DAB1: variants seen among roughly 807,000 people sequenced by gnomAD.
DAB1 encodes the protein DAB adaptor protein 1.
In DAB1, 15 loss-of-function variants were observed where a neutral mutation model predicts 64.6. The ratio of observed to expected loss-of-function variants is 0.23; its 90% CI spans 0.16 to 0.36. DAB1 has a LOEUF of 0.36. Ranked by LOEUF, DAB1 falls within the 10% of genes least tolerant of loss-of-function variation. The probability of loss-of-function intolerance (pLI) is 1.00; values close to 1 mark genes in which losing one functional copy is unlikely to be tolerated. For missense variants in DAB1, 596 were observed against 706.7 expected (o/e 0.84, Z 1.78); for synonymous variants, 235 against 251.9 (o/e 0.93, Z 0.64).
chr1:57,349,923 G>C (rs559410763), intron 1 of DAB1, among the ~76,000 whole-genome samples: 1 of 152,152 alleles, frequency 6.6e-6, no homozygotes. Flanking sequence ...TGGCCATCCT[G>C]ACATAGACAC....
chr1:57,253,383 ATC>A (rs1030186693), intron 2 of DAB1, among the ~76,000 whole-genome samples: 1 of 152,154 alleles, frequency 6.6e-6, no homozygotes, highest in Admixed American at 6.5e-5. Context: ...ATATATTTTT[ATC>A]TCTGTTTGGC....
At chr1:57,359,421 T>A (rs1203730319) in intron 1 of DAB1, among the ~76,000 whole-genome samples, 1 of 151,964 alleles carries the variant, frequency 6.6e-6, no homozygotes, top group Non-Finnish European at 1.5e-5. Context: ...GAATGTCTGC[T>A]ATCAAAAATA....
chr1:57,773,887 TTG>T (rs1316652525), intron 6 of DAB1, among the ~76,000 whole-genome samples: 3 of 152,080 alleles, frequency 2.0e-5, no homozygotes, highest in Non-Finnish European at 4.4e-5. Flanking sequence ...CTATTATGCG[TTG>T]TTACTGTAGT....
chr1:57,314,413 A>G (rs1409689040), intron 1 of DAB1, among the ~76,000 whole-genome samples: 1 of 152,184 alleles, frequency 6.6e-6, no homozygotes, highest in Non-Finnish European at 1.5e-5. Context: ...GGAGTCTCAC[A>G]TGTGATTTGC....
At chr1:57,405,813 T>C (rs74901009) in intron 1 of DAB1, among the ~76,000 whole-genome samples, 1,827 of 152,284 alleles carry the variant, frequency 0.012, 47 homozygotes, top group African/African-American at 0.041. Context: ...TACACACACA[T>C]CCTTATTTCA....
intron 3 of DAB1, among the ~76,000 whole-genome samples, chr1:58,462,393 G>T (rs1263850858): frequency 2.0e-5 from 3 of 152,112 alleles, no homozygotes; most frequent in Non-Finnish European, 4.4e-5. Context: ...CCCAAAGAAG[G>T]TTTCTTAACT....
chr1:57,825,267 G>A (rs762226997), downstream of DAB1, among the ~76,000 whole-genome samples: 3 of 152,178 alleles, frequency 2.0e-5, no homozygotes, highest in Non-Finnish European at 2.9e-5. Context: ...CTTTGAAGAT[G>A]ATCATCCAGC....
At chr1:57,874,531 G>T (rs188214841) in intron 1 of DAB1, among the ~76,000 whole-genome samples, 17 of 152,228 alleles carry the variant, frequency 1.1e-4, no homozygotes, top group Non-Finnish European at 2.2e-4. Context: ...CAAACATGAA[G>T]GTGCCAGCAG....
intron 1 of DAB1, among the ~76,000 whole-genome samples, chr1:57,420,856 C>T (rs1374294981): frequency 6.6e-6 from 1 of 152,214 alleles, no homozygotes; most frequent in African/African-American, 2.4e-5. Flanking sequence ...TCCTAAATAA[C>T]ATTTAAAGTT....
chr1:57,265,406 A>G (rs1363804805), intron 2 of DAB1, among the ~76,000 whole-genome samples: 1 of 152,220 alleles, frequency 6.6e-6, no homozygotes, highest in African/African-American at 2.4e-5. Context: ...TGTATCTGAC[A>G]TTTTAAATAG....
intron 6 of DAB1, among the ~76,000 whole-genome samples, chr1:57,750,868 A>C (rs1275169823): frequency 6.6e-6 from 1 of 152,180 alleles, no homozygotes; most frequent in East Asian, 1.9e-4. Flanking sequence ...ATTGGATTCT[A>C]TCACTGATGC....
intron 2 of DAB1, among the ~76,000 whole-genome samples, chr1:57,193,261 C>T (rs1455975441): frequency 6.6e-6 from 1 of 151,966 alleles, no homozygotes; most frequent in Non-Finnish European, 1.5e-5. Context: ...ACTCTGCTCT[C>T]TGCCTCTATG....
chr1:57,703,619 A>G (rs767197444), intron 6 of DAB1, among the ~76,000 whole-genome samples: 1 of 152,202 alleles, frequency 6.6e-6, no homozygotes, highest in Non-Finnish European at 1.5e-5. Flanking sequence ...ATTGTGGCCA[A>G]TAGTGTGGTG....
chr1:57,895,282 G>T (rs1162127777), intron 5 of DAB1, among the ~76,000 whole-genome samples: 1 of 152,132 alleles, frequency 6.6e-6, no homozygotes, highest in Non-Finnish European at 1.5e-5. Context: ...ACCTATGGGG[G>T]TAAACACTAT....
chr1:58,236,048 G>C (rs903448709), intron 4 of DAB1, among the ~76,000 whole-genome samples: 1 of 152,070 alleles, frequency 6.6e-6, no homozygotes, highest in African/African-American at 2.4e-5. Flanking sequence ...GCAGAAAGAC[G>C]AGAGCAAGGC....
In DAB1 at chr1:57,145,417, C is replaced by A. The variant is rs1368147991; in HGVS notation, c.80G>T (p.Ser27Ile). ...KDSRKKGQDR[S>I]EATLIKRFKG... ...AAACCTCTTTATCAAAGTGGCTTCA[C>A]TGCGATCCTGACCTAAAAAGAGAAA... Residue 27 changes from serine (S) to isoleucine (I), a missense_variant, in exon 3 of 15, where the codon AGT becomes ATT. Ser to Ile is a moderately radical substitution (Grantham distance 142). Coordinates refer to ENST00000371236, the MANE Select transcript of DAB1 (RefSeq NM_001365792.1). The A allele has an allele frequency of 1.2e-6, 2 of 1,613,894 alleles. No individual in the cohort carries two copies. The highest frequency in any genetic ancestry group is 1.3e-5 in the African/African-American group (1 of 74,924).
chr1:57,998,389 CTTTTTTTT>C (rs3991037), intron 5 of DAB1, among the ~76,000 whole-genome samples: 6 of 128,802 alleles, frequency 4.7e-5, no homozygotes, highest in Admixed American at 1.6e-4. Context: ...TTTTTTCTCT[CTTTTTTTT>C]TTTTTTTTTT....
chr1:57,914,643 GTCTGTT>G (rs1644699136), intron 5 of DAB1, among the ~76,000 whole-genome samples: 1 of 152,124 alleles, frequency 6.6e-6, no homozygotes, highest in Non-Finnish European at 1.5e-5. Flanking sequence ...TTAAAAAAAA[GTCTGTT>G]GAATGAATGA....
At chr1:57,861,639 A>G (rs1219104181) in intron 1 of DAB1, among the ~76,000 whole-genome samples, 1 of 151,994 alleles carries the variant, frequency 6.6e-6, no homozygotes, top group Non-Finnish European at 1.5e-5. Flanking sequence ...TTTCTAATCT[A>G]TTAAATAGAA....
Sources: allele counts gnomAD v4.1 joint callset (sites outside exome capture counted in the v4.1 genomes callset), GRCh38; gene constraint gnomAD v4.1.1; transcripts MANE v1.5; gene names NCBI Gene and HGNC (gene_info 2026-07-23, HGNC 2026-07-21).